Variants in PLPBP observed in about 807,000 individuals in gnomAD.
The protein encoded by PLPBP is pyridoxal phosphate homeostasis protein.
PLPBP carries 21 observed loss-of-function variants against 31.2 expected under a neutral mutation model. The observed-to-expected ratio is 0.67, with a 90% confidence interval of 0.48 to 0.97. The LOEUF is 0.97. Among genes scored for constraint, PLPBP ranks in the 50% least tolerant of loss-of-function variants. The pLI is 0.00. For synonymous variants in PLPBP, 124 were observed against 135.6 expected, an observed-to-expected ratio of 0.91 and a Z score of 0.59; for missense variants, 308 against 354.4, an observed-to-expected ratio of 0.87 and a Z score of 1.05.
At chr8:37,772,923 T>G (rs1328611615) in intron 5 of PLPBP, 34 bp downstream of exon 5, 4 of 1,612,110 alleles carry the variant, frequency 2.5e-6, no homozygotes, top group Non-Finnish European at 3.4e-6. Context: ...AGATTTTTCT[T>G]CCTTTAGGAT....
Position 37,766,266 on chromosome 8 carries a change from C to A in PLPBP, c.244-14C>A. On this transcript the variant is annotated splice_polypyrimidine_tract_variant and intron_variant, in intron 3 of 7. Transcript: ENST00000328195. The stretch of plus-strand genomic sequence containing the variant: ...TAAAATCTGAATTACACATGGTTAC[C>A]TTTTTCCCCTCAGATTCTGTCTTTG... The A allele has an allele frequency of 6.2e-7, 1 of 1,600,404 alleles. No homozygotes were observed. The highest frequency in any genetic ancestry group is 2.3e-5 in the East Asian group (1 of 44,228).
chr8:37,772,939 A>C, intron 5 of PLPBP, 50 bp downstream of exon 5: 1 of 1,603,038 alleles, frequency 6.2e-7, no homozygotes, highest in Middle Eastern at 1.7e-4. Context: ...AGGATGGTTG[A>C]AGCTTAGGGA....
At chr8:37,772,942 C>G (rs1403598820) in intron 5 of PLPBP, 53 bp downstream of exon 5, 6 of 1,600,598 alleles carry the variant, frequency 3.7e-6, no homozygotes, top group Non-Finnish European at 5.1e-6. Context: ...ATGGTTGAAG[C>G]TTAGGGAGAA....
intron 7 of PLPBP, among the ~76,000 whole-genome samples, chr8:37,776,497 A>AC (rs1469699454): frequency 4.0e-5 from 6 of 150,564 alleles, no homozygotes; most frequent in African/African-American, 1.5e-4. Flanking sequence ...AAAAAAAAAA[A>AC]AAAAAACAAA....
chr8:37,767,020 C>G (rs866053369), intron 4 of PLPBP, among the ~76,000 whole-genome samples: 2 of 111,578 alleles, frequency 1.8e-5, no homozygotes, highest in East Asian at 6.0e-4. Flanking sequence ...GCACTCCAGA[C>G]TAGGTAACAG....
chr8:37,769,743 A>G (rs904807503), intron 4 of PLPBP, among the ~76,000 whole-genome samples: 2 of 152,194 alleles, frequency 1.3e-5, no homozygotes, highest in African/African-American at 4.8e-5. Flanking sequence ...TCTTGGAAAA[A>G]CATAAAGATT....
At chr8:37,765,283 T>C (rs1403926986) in intron 1 of PLPBP, among the ~76,000 whole-genome samples, 1 of 152,244 alleles carries the variant, frequency 6.6e-6, no homozygotes, top group Non-Finnish European at 1.5e-5. Flanking sequence ...GAGAGAGACA[T>C]TTCTTCTGCT....
intron 1 of PLPBP, among the ~76,000 whole-genome samples, chr8:37,765,119 G>A (rs751602837): frequency 3.3e-5 from 5 of 152,116 alleles, no homozygotes; most frequent in Admixed American, 6.5e-5. Context: ...CAGAGGTTGC[G>A]GTGAGCCGAG....
rs200291280 is a variant in PLPBP, at chr8:37,778,049, C to T, written c.773C>T (p.Pro258Leu). 4.0e-5 allele frequency: 64 copies of T among 1,613,812 alleles called. 1 individual carries two copies. The East Asian group carries it at 4.0e-4, about 10-fold the overall frequency. ...CGGGATTACTCAAAGAAACCCACCC[C>T]GGACAAGTGCGCAGCAGACGTGAAG... ...GERDYSKKPTPDKCAADVKAP... is the reference protein window; with the variant it reads ...GERDYSKKPTLDKCAADVKAP... The change falls in exon 8 of 8, where the codon CCG becomes CTG. Residue 258 changes from proline (P) to leucine (L), a missense_variant. Pro to Leu is a moderately conservative substitution (Grantham distance 98, BLOSUM62 -3). This residue lies in a region of PLPBP where 188 missense variants were observed against 259.3 expected (regional missense o/e 0.73). Transcript: ENST00000328195.
intron 7 of PLPBP, 22 bp downstream of exon 7, chr8:37,776,038 T>G (rs775944354): frequency 8.7e-6 from 14 of 1,601,376 alleles, no homozygotes; most frequent in Non-Finnish European, 1.2e-5. Context: ...GCCAGTGCCC[T>G]GTCTGCCTCG....
chr8:37,775,439 C>T lies in PLPBP; in HGVS notation c.555C>T (p.Ser185=). The change falls in exon 6 of 8, where the codon AGC becomes AGT. Residue 185 remains serine, a synonymous_variant. Coordinates refer to ENST00000328195, the MANE Select transcript of PLPBP (RefSeq NM_007198.4). ...TTGTGGGGCTGATGACCATAGGAAGCTTTGGGCATGATCTTAGTCAAGGAC... is the reference window on the plus strand; with the variant it reads ...TTGTGGGGCTGATGACCATAGGAAGTTTTGGGCATGATCTTAGTCAAGGAC... The part of the protein sequence containing the change: ...LEFVGLMTIG[S]FGHDLSQGPN... 6.2e-7 allele frequency: 1 copy of T among 1,614,208 alleles called. No individual in the cohort carries two copies. Among genetic ancestry groups the T allele is most frequent in the Non-Finnish European group, 8.5e-7 (1 of 1,180,044 alleles).
At chr8:37,776,048 G>GAGGGGT (rs770915974) in intron 7 of PLPBP, 32 bp downstream of exon 7, 1 of 1,583,472 alleles carries the variant, frequency 6.3e-7, no homozygotes, top group Non-Finnish European at 8.7e-7. Context: ...TGTCTGCCTC[G>GAGGGGT]AGGGGTGGGG....
At chr8:37,762,558 A>G (rs6468438), upstream of PLPBP, 1,470,645 of 1,484,562 alleles carry the variant, frequency 0.99, 728,442 homozygotes, top group East Asian at 1. Context: ...CGACTCAATG[A>G]TGAGCAATGA....
intron 7 of PLPBP, among the ~76,000 whole-genome samples, chr8:37,777,191 AC>A (rs1803935136): frequency 6.6e-6 from 1 of 152,260 alleles, no homozygotes; most frequent in South Asian, 2.1e-4. Flanking sequence ...ATAGCAAATA[AC>A]TTGATAAAGT....
intron 6 of PLPBP, 133 bp downstream of exon 6, chr8:37,775,614 A>G (rs1284731748): frequency 3.7e-6 from 5 of 1,348,404 alleles, no homozygotes; most frequent in African/African-American, 2.9e-5. Context: ...CCCTCTTTTG[A>G]ACTCTTCTCA....
Position 37,765,592 on chromosome 8 carries a change from G to A in PLPBP, c.166G>A (p.Glu56Lys), listed in dbSNP as rs376512693. 4.1e-5 allele frequency: 66 copies of A among 1,613,990 alleles called. No individual in the cohort carries two copies. The highest frequency in any genetic ancestry group is 1.0e-4 in the Admixed American group (6 of 60,014). ...SKTKPADMVI[E>K]AYGHGQRTFG... Reference sequence around the variant, plus strand: ...AACCAAACCTGCAGACATGGTGATCGAGGCCTATGGACATGGGCAGCGCAC... The same window carrying A: ...AACCAAACCTGCAGACATGGTGATCAAGGCCTATGGACATGGGCAGCGCAC... The change falls in exon 2 of 8, where the codon GAG (glutamate) becomes AAG (lysine). Residue 56 changes from glutamate to lysine, a missense_variant. By Grantham distance (56) the Glu-to-Lys change is moderately conservative. Coordinates refer to ENST00000328195, the MANE Select transcript of PLPBP (RefSeq NM_007198.4).
chr8:37,776,211 C>T (rs904655931), intron 7 of PLPBP, among the ~76,000 whole-genome samples, 195 bp downstream of exon 7: 2 of 152,150 alleles, frequency 1.3e-5, no homozygotes, highest in African/African-American at 4.8e-5. Flanking sequence ...GGTGCGGTGG[C>T]GCACGCCTGT....
At chr8:37,765,400 A>G in intron 1 of PLPBP, 126 bp from the exon 2 acceptor site, 5 of 869,114 alleles carry the variant, frequency 5.8e-6, no homozygotes, top group Non-Finnish European at 5.6e-6. Flanking sequence ...ACAGTGTTGA[A>G]AAAATGGATC....
chr8:37,776,478 CAAAAAAAAAAA>C (rs915875297), intron 7 of PLPBP, among the ~76,000 whole-genome samples: 6 of 10,642 alleles, frequency 5.6e-4, no homozygotes, highest in East Asian at 3.3e-3. Context: ...GACTCCATCT[CAAAAAAAAAAA>C]AAAAAAAAAA....
Sources: gnomAD v4.1 joint callset for allele counts (sites outside exome capture counted in the v4.1 genomes callset) on GRCh38, gnomAD v4.1.1 for gene constraint, gnomAD v4.1.1 regional missense constraint, MANE v1.5 for transcripts, NCBI Gene and HGNC (gene_info 2026-07-23, HGNC 2026-07-21) for gene names.